Variants in MREG observed in about 807,000 individuals in gnomAD.
The protein encoded by MREG is melanoregulin.
Under a neutral mutation model 28.5 loss-of-function variants are expected in MREG, and 31 were observed. That is an observed-to-expected ratio of 1.09 (90% CI 0.82 to 1.47). The LOEUF is 1.47. Among genes scored for constraint, MREG ranks in the 40% most tolerant of loss-of-function variants. MREG has a pLI of 0.00. For missense variants in MREG, 256 were observed against 257.4 expected (o/e 0.99, Z 0.04); for synonymous variants, 106 against 95.2 (o/e 1.11, Z -0.66).
intron 1 of MREG, among the ~76,000 whole-genome samples, chr2:216,028,117 T>A (rs17547871): frequency 2.6e-5 from 4 of 152,144 alleles, no homozygotes; most frequent in Admixed American, 2.6e-4. Flanking sequence ...TAATGCTTCA[T>A]GTAAATATAA....
At chr2:215,991,630 A>G (rs1693723290) in intron 2 of MREG, among the ~76,000 whole-genome samples, 2 of 152,190 alleles carry the variant, frequency 1.3e-5, no homozygotes, top group African/African-American at 2.4e-5. Context: ...GAAAAGATTA[A>G]CAAAACAGAT....
At position 215,945,771 on chromosome 2, in the gene MREG, C is replaced by A. The variant is rs895216313; in HGVS notation, c.347-37G>T. ...AAATGGACCACTCATGTAAAGTAGT[C>A]CCAAGTTAACAAGTGTTCCGCAATA... On this transcript the variant is annotated intron_variant, in intron 3 of 4. Transcript: ENST00000263268. 1.5e-5 allele frequency: 24 copies of A among 1,581,838 alleles called. No homozygotes were observed. The African/African-American group carries it at 2.4e-4, about 16-fold the overall frequency.
intron 2 of MREG, among the ~76,000 whole-genome samples, chr2:215,952,683 A>G (rs547708111): frequency 6.6e-6 from 1 of 152,210 alleles, no homozygotes; most frequent in South Asian, 2.1e-4. Flanking sequence ...ATTTTTAATT[A>G]TAAAAATAAT....
At chr2:215,986,010 A>T (rs1210904129) in intron 2 of MREG, among the ~76,000 whole-genome samples, 1 of 152,188 alleles carries the variant, frequency 6.6e-6, no homozygotes, top group Non-Finnish European at 1.5e-5. Flanking sequence ...AAGTTAAAAC[A>T]ATCCCCGTCT....
At chr2:216,000,627 AG>A (rs1264054827) in intron 1 of MREG, among the ~76,000 whole-genome samples, 1 of 152,214 alleles carries the variant, frequency 6.6e-6, no homozygotes, top group Non-Finnish European at 1.5e-5. Flanking sequence ...CCTCTAGGGC[AG>A]GGGTTGTATC....
At position 215,958,926 on chromosome 2, in the gene MREG, C is replaced by T. The variant is rs1692707268; in HGVS notation, c.256-11813G>A. Among the ~76,000 whole-genome samples, 4 of 152,158 alleles carry T rather than the reference C, an allele frequency of 2.6e-5. No homozygotes were observed. The South Asian group carries it at 8.3e-4, about 31-fold the overall frequency. On this transcript the variant is annotated intron_variant, in intron 2 of 4. Transcript: ENST00000263268. ...GCCATGGGTAGTAAGTCCCCCACCA[C>T]CCTGTGAGGTGGGTATTAGTATCCC...
intron 1 of MREG, 99 bp downstream of exon 1, chr2:216,013,134 C>A: frequency 9.4e-7 from 1 of 1,061,174 alleles, no homozygotes. Flanking sequence ...TTCCAGCAAG[C>A]CCACCTCCCC....
intron 1 of MREG, among the ~76,000 whole-genome samples, chr2:216,000,602 A>G (rs755915685): frequency 3.7e-4 from 57 of 152,118 alleles, no homozygotes; most frequent in Non-Finnish European, 7.2e-4. Context: ...TGTCTCCTCA[A>G]CAGGTGGGTC....
intron 4 of MREG, among the ~76,000 whole-genome samples, 184 bp downstream of exon 4, chr2:215,945,386 CT>C (rs1692292422): frequency 6.6e-6 from 1 of 152,206 alleles, no homozygotes; most frequent in Non-Finnish European, 1.5e-5. Context: ...GAAATCTGAA[CT>C]TTTAAAACTC....
At chr2:215,962,191 A>T (rs1247352282) in intron 2 of MREG, among the ~76,000 whole-genome samples, 3 of 141,264 alleles carry the variant, frequency 2.1e-5, no homozygotes, top group Non-Finnish European at 4.9e-5. Context: ...GAGGCCCCTG[A>T]CCTAATTCTT....
intron 2 of MREG, among the ~76,000 whole-genome samples, chr2:215,979,469 AT>A (rs59991245): frequency 0.14 from 7,053 of 51,566 alleles, 460 homozygotes; most frequent in African/African-American, 0.3. Flanking sequence ...ATCTCAAAAA[AT>A]AATAATAATA....
chr2:215,997,290 C>A (rs1693899036), intron 1 of MREG, among the ~76,000 whole-genome samples: 1 of 152,178 alleles, frequency 6.6e-6, no homozygotes, highest in Non-Finnish European at 1.5e-5. Flanking sequence ...GTGAGAATTT[C>A]AGTAGTCCCA....
At chr2:215,940,799 C>A (rs1692188226), downstream of MREG, among the ~76,000 whole-genome samples, 1 of 152,114 alleles carries the variant, frequency 6.6e-6, no homozygotes, top group Non-Finnish European at 1.5e-5. Context: ...AAGCCTCAGC[C>A]AACCTAATAG....
In MREG at chr2:216,013,185, G is replaced by A. The variant is rs780105394; in HGVS notation, c.95+48C>T. 3 of 1,520,266 alleles carry A rather than the reference G, an allele frequency of 2.0e-6. No homozygotes were observed. The South Asian group carries it at 3.6e-5, about 18-fold the overall frequency. The allele number at this position is 1,520,266 out of a possible 1,614,324, so 94.2% of individuals were successfully genotyped here. On this transcript the variant is annotated intron_variant, in intron 1 of 4. Transcript: ENST00000263268. ...ACAGGTGTCCACACTCTCGGCGCCC[G>A]GCTACGGCCCAGGTAAGCCCAGATC...
At chr2:215,996,506 A>G (rs1693878874) in intron 1 of MREG, 41 bp from the exon 2 acceptor site, 1 of 1,488,792 alleles carries the variant, frequency 6.7e-7, no homozygotes, top group East Asian at 2.3e-5. Context: ...TTTATAATAT[A>G]CATAAAATGT....
At chr2:215,991,342 A>G (rs1179802197) in intron 2 of MREG, among the ~76,000 whole-genome samples, 2 of 152,212 alleles carry the variant, frequency 1.3e-5, no homozygotes, top group Non-Finnish European at 2.9e-5. Context: ...TCTGAAACCA[A>G]TGAAAACAAA....
intron 1 of MREG, among the ~76,000 whole-genome samples, chr2:216,019,337 T>C (rs972519743): frequency 1.3e-5 from 2 of 152,166 alleles, no homozygotes; most frequent in African/African-American, 4.8e-5. Flanking sequence ...AACTCTCTTT[T>C]AGGCAGGGTA....
At chr2:215,987,760 G>A (rs762380334) in intron 2 of MREG, among the ~76,000 whole-genome samples, 27 of 151,986 alleles carry the variant, frequency 1.8e-4, no homozygotes, top group African/African-American at 4.8e-4. Context: ...AAAATTAGCC[G>A]GGTGTGGTGG....
At chr2:215,964,481 C>CA (rs1302499082) in intron 2 of MREG, among the ~76,000 whole-genome samples, 1 of 63,384 alleles carries the variant, frequency 1.6e-5, no homozygotes, top group Non-Finnish European at 3.5e-5. Context: ...GACTCTGTCT[C>CA]AAAAAAAAGA....
Sources: gnomAD v4.1 joint callset for allele counts (sites outside exome capture counted in the v4.1 genomes callset) on GRCh38, gnomAD v4.1.1 for gene constraint, MANE v1.5 for transcripts, NCBI Gene and HGNC (gene_info 2026-07-23, HGNC 2026-07-21) for gene names.